ROBO2: variants seen among roughly 807,000 people sequenced by gnomAD.
ROBO2 encodes roundabout guidance receptor 2.
A neutral mutation model predicts 160.8 loss-of-function variants in ROBO2; 53 were observed. That is an observed-to-expected ratio of 0.33 (90% CI 0.26 to 0.41). The LOEUF (loss-of-function observed/expected upper bound fraction) is 0.41. Ranked by LOEUF, ROBO2 falls within the 10% of genes least tolerant of loss-of-function variation. The pLI, the probability that ROBO2 is intolerant of heterozygous loss-of-function variation, is 1.00. For synonymous variants in ROBO2, 664 were observed against 611.7 expected, an observed-to-expected ratio of 1.09 and a Z score of -1.26; for missense variants, 1,577 against 1,722.4, an observed-to-expected ratio of 0.92 and a Z score of 1.49.
At chr3:76,883,532 T>G (rs2073571177) in intron 2 of ROBO2, among the ~76,000 whole-genome samples, 1 of 152,200 alleles carries the variant, frequency 6.6e-6, no homozygotes, top group African/African-American at 2.4e-5. Context: ...TTTCTGGTTT[T>G]TATCCTCAAC....
chr3:76,332,024 ATG>A (rs2108037896), intron 2 of ROBO2, among the ~76,000 whole-genome samples: 1 of 152,306 alleles, frequency 6.6e-6, no homozygotes, highest in African/African-American at 2.4e-5. Flanking sequence ...ATTTGTTGTC[ATG>A]TGTGTATTAC....
chr3:76,629,102 T>A (rs1472488700), intron 2 of ROBO2, among the ~76,000 whole-genome samples: 3 of 152,132 alleles, frequency 2.0e-5, no homozygotes, highest in Non-Finnish European at 4.4e-5. Context: ...GGAAAAGGGC[T>A]GAAACTGAGA....
chr3:77,077,217 C>T (rs2068106931), intron 1 of ROBO2, among the ~76,000 whole-genome samples: 1 of 152,114 alleles, frequency 6.6e-6, no homozygotes, highest in Non-Finnish European at 1.5e-5. Flanking sequence ...GAAATCATTA[C>T]ACAAAGCTTG....
At chr3:75,972,838 T>C (rs982157816) in intron 2 of ROBO2, among the ~76,000 whole-genome samples, 6 of 151,606 alleles carry the variant, frequency 4.0e-5, no homozygotes, top group Admixed American at 2.6e-4. Context: ...CCTAAGTCCC[T>C]CTAAGGCAGT....
intron 5 of ROBO2, among the ~76,000 whole-genome samples, chr3:77,518,061 T>C (rs981009926): frequency 3.3e-5 from 5 of 151,606 alleles, no homozygotes; most frequent in East Asian, 1.9e-4. Flanking sequence ...AGCTGTCTTG[T>C]AGGAGAGAGA....
chr3:76,969,376 A>G (rs2059461686), intron 2 of ROBO2, among the ~76,000 whole-genome samples: 1 of 152,164 alleles, frequency 6.6e-6, no homozygotes, highest in African/African-American at 2.4e-5. Context: ...GCACAGAGAA[A>G]GTCTTTGAGA....
At chr3:76,334,883 G>C (rs892972277) in intron 2 of ROBO2, among the ~76,000 whole-genome samples, 1 of 151,982 alleles carries the variant, frequency 6.6e-6, no homozygotes, top group Non-Finnish European at 1.5e-5. Flanking sequence ...AATTTTAAAA[G>C]GCTAATATTT....
intron 8 of ROBO2, among the ~76,000 whole-genome samples, chr3:77,556,142 T>A (rs2093112021): frequency 6.6e-6 from 1 of 151,896 alleles, no homozygotes; most frequent in African/African-American, 2.4e-5. Context: ...ACTTTCTCAC[T>A]GCATTAAAAA....
At chr3:77,426,187 G>A (rs2078186621) in intron 2 of ROBO2, among the ~76,000 whole-genome samples, 1 of 152,120 alleles carries the variant, frequency 6.6e-6, no homozygotes, top group Non-Finnish European at 1.5e-5. Flanking sequence ...ATGGAGCAAA[G>A]TGAGCATATT....
At chr3:76,830,107 G>A (rs921627931) in intron 2 of ROBO2, among the ~76,000 whole-genome samples, 1 of 152,120 alleles carries the variant, frequency 6.6e-6, no homozygotes, top group Admixed American at 6.5e-5. Flanking sequence ...GTTCTGGCCT[G>A]TCTCCTGAAA....
intron 2 of ROBO2, among the ~76,000 whole-genome samples, chr3:77,357,889 A>G (rs72897260): frequency 0.038 from 5,757 of 152,270 alleles, 361 homozygotes; most frequent in African/African-American, 0.13. Flanking sequence ...TAAAATGACT[A>G]GAGAATTAAA....
intron 2 of ROBO2, among the ~76,000 whole-genome samples, chr3:76,268,991 G>T (rs915256465): frequency 2.6e-5 from 4 of 152,026 alleles, no homozygotes; most frequent in Non-Finnish European, 5.9e-5. Flanking sequence ...AATATTATTT[G>T]TTTCATAAAA....
At chr3:76,953,660 A>G (rs111875879) in intron 2 of ROBO2, among the ~76,000 whole-genome samples, 6,221 of 152,318 alleles carry the variant, frequency 0.041, 166 homozygotes, top group Middle Eastern at 0.078. Flanking sequence ...ATTTCTGGTT[A>G]AGCAAGTACA....
intron 2 of ROBO2, among the ~76,000 whole-genome samples, chr3:76,646,320 C>T (rs1214989781): frequency 6.6e-6 from 1 of 151,940 alleles, no homozygotes; most frequent in African/African-American, 2.4e-5. Flanking sequence ...AAGAAGATGC[C>T]GAAAAGAAGG....
At position 76,437,331 on chromosome 3, in the gene ROBO2, C is replaced by T. The variant is rs2076728596; in HGVS notation, c.109+499729C>T. 1.3e-5 allele frequency among the ~76,000 whole-genome samples: 2 copies of T among 152,076 alleles called. 1 individual carries two copies. Among genetic ancestry groups the T allele is most frequent in the African/African-American group, 4.8e-5 (2 of 41,410 alleles). On this transcript the variant is annotated intron_variant, in intron 2 of 26. Transcript: ENST00000487694. Reference sequence around the variant, plus strand: ...ACTGCTCTCTAGTTAGAGTTGGTCACCTCCAGCTGGGTTTCCTATACTTGA... The same window carrying T: ...ACTGCTCTCTAGTTAGAGTTGGTCATCTCCAGCTGGGTTTCCTATACTTGA...
rs2068187212 is a variant in ROBO2, at chr3:77,350,345, G to A, written c.389-127069G>A. On this transcript the variant is annotated intron_variant, in intron 2 of 25. Transcript: ENST00000461745. ...CACTCCAGCTTGGGTGACAATGTGG[G>A]ACCCTGTCTTGAAGTAAATATACAC... 3.9e-5 allele frequency among the ~76,000 whole-genome samples: 6 copies of A among 152,052 alleles called. No homozygotes were observed. The South Asian group carries it at 1.2e-3, about 32-fold the overall frequency.
At chr3:76,939,754 A>C (rs2149103071) in intron 2 of ROBO2, among the ~76,000 whole-genome samples, 1 of 152,236 alleles carries the variant, frequency 6.6e-6, no homozygotes, top group South Asian at 2.1e-4. Flanking sequence ...GCTGCACTCA[A>C]GCCTGGGCCA....
intron 2 of ROBO2, among the ~76,000 whole-genome samples, chr3:76,063,489 T>TA (rs1213907198): frequency 2.6e-5 from 4 of 151,584 alleles, no homozygotes; most frequent in Admixed American, 2.6e-4. Context: ...GGACTACAGG[T>TA]GTTGCCACCA....
chr3:77,301,954 G>A (rs2062696940), intron 2 of ROBO2, among the ~76,000 whole-genome samples: 1 of 151,490 alleles, frequency 6.6e-6, no homozygotes. Flanking sequence ...CCAGAGTGGA[G>A]TGCAGTGGCA....
Sources: gnomAD v4.1 joint callset for allele counts (sites outside exome capture counted in the v4.1 genomes callset) on GRCh38, gnomAD v4.1.1 for gene constraint, MANE v1.5 for transcripts, NCBI Gene and HGNC (gene_info 2026-07-23, HGNC 2026-07-21) for gene names.